The following FOXK2 variants were observed in gnomAD, a reference collection of about 807,000 sequenced individuals.
FOXK2 encodes forkhead box protein K2.
In FOXK2, 24 loss-of-function variants were observed where a neutral mutation model predicts 53.3. The observed-to-expected ratio is 0.45, with a 90% CI of 0.33 to 0.63. The LOEUF (loss-of-function observed/expected upper bound fraction) is 0.63, where lower values mean the gene tolerates loss of function less well. FOXK2 is among the 30% of genes least tolerant of loss of function. FOXK2 has a pLI of 0.03. For synonymous variants in FOXK2, 505 were observed against 407.1 expected, an observed-to-expected ratio of 1.24 and a Z score of -2.89; for missense variants, 952 against 910.5, an observed-to-expected ratio of 1.05 and a Z score of -0.59.
At chr17:82,545,066 C>A (rs538167098) in intron 1 of FOXK2, among the ~76,000 whole-genome samples, 5 of 152,296 alleles carry the variant, frequency 3.3e-5, no homozygotes, top group African/African-American at 9.6e-5. Context: ...TGCTGCTGAC[C>A]TAGTGGTTTC....
chr17:82,564,378 GTTTT>G (rs199576505), intron 2 of FOXK2, among the ~76,000 whole-genome samples: 5 of 134,348 alleles, frequency 3.7e-5, no homozygotes, highest in Non-Finnish European at 8.1e-5. Flanking sequence ...CAGCTGGCTG[GTTTT>G]TTTTTGTTTG....
In FOXK2 at chr17:82,601,349, G is replaced by A. The variant is rs151062508; in HGVS notation, c.1833G>A (p.Ser611=). ...LHMLATHASA[S]ASLPTKRHNG... The stretch of plus-strand genomic sequence containing the variant: ...TGTTGGCAACACACGCATCCGCATC[G>A]GCCTCCCTGCCCACAAAGCGCCACA... Residue 611 remains serine, a synonymous_variant, in exon 9 of 9, where the codon TCG becomes TCA. Transcript: ENST00000335255. 1.3e-4 allele frequency: 216 copies of A among 1,613,200 alleles called. No homozygotes were observed. The highest frequency in any genetic ancestry group is 1.5e-4 in the Non-Finnish European group (176 of 1,180,042).
chr17:82,537,652 C>A (rs939324696), intron 1 of FOXK2, among the ~76,000 whole-genome samples: 19 of 144,114 alleles, frequency 1.3e-4, no homozygotes, highest in African/African-American at 4.1e-4. Context: ...AGGCCAGGCA[C>A]ACGGTGGCTT....
chr17:82,561,053 G>C (rs749286471), intron 1 of FOXK2, among the ~76,000 whole-genome samples: 3 of 152,188 alleles, frequency 2.0e-5, no homozygotes, highest in Non-Finnish European at 4.4e-5. Flanking sequence ...CCAGCCTTCA[G>C]ACGTTTTCTC....
At position 82,568,089 on chromosome 17, in the gene FOXK2, C is replaced by T. The variant is rs139282639; in HGVS notation, c.650C>T (p.Ala217Val). ...TCCTGCCCCTCCAGCCCCCGGGGAG[C>T]GGGGTCTTCAGGGTACAAGGTGGGC... is the stretch of plus-strand genomic sequence containing the variant. ...ANSCPSSPRG[A>V]GSSGYKVGRV... Residue 217 changes from alanine (A) to valine (V), a missense_variant, in exon 3 of 9, where the codon GCG becomes GTG. Around this residue, in one of 5 missense-constraint regions of FOXK2, gnomAD observed 160 missense variants for 214.2 expected, o/e 0.75. Transcript: ENST00000335255. 2.4e-5 allele frequency: 39 copies of T among 1,611,984 alleles called. No individual in the cohort carries two copies. The highest frequency in any genetic ancestry group is 1.7e-4 in the Middle Eastern group (1 of 6,050).
At chr17:82,524,690 GT>G (rs2044399698) in intron 1 of FOXK2, among the ~76,000 whole-genome samples, 1 of 152,140 alleles carries the variant, frequency 6.6e-6, no homozygotes, top group Non-Finnish European at 1.5e-5. Context: ...GAAAGGCAGC[GT>G]TTTCCTCTCT....
At chr17:82,597,839 G>A (rs913820300) in intron 8 of FOXK2, among the ~76,000 whole-genome samples, 1 of 152,080 alleles carries the variant, frequency 6.6e-6, no homozygotes, top group African/African-American at 2.4e-5. Context: ...TAGTAGAGAC[G>A]GGGTTGCACC....
chr17:82,536,793 A>G (rs1184930808), intron 1 of FOXK2, among the ~76,000 whole-genome samples: 2 of 152,214 alleles, frequency 1.3e-5, no homozygotes, highest in African/African-American at 4.8e-5. Context: ...TTTCCCAGAA[A>G]CACACCCAGG....
chr17:82,529,733 G>A (rs539675195), intron 1 of FOXK2, among the ~76,000 whole-genome samples: 5 of 152,186 alleles, frequency 3.3e-5, no homozygotes, highest in East Asian at 1.9e-4. Context: ...GACTCATTGC[G>A]GAGTCACTAG....
At chr17:82,566,953 A>G (rs1051530453) in intron 2 of FOXK2, among the ~76,000 whole-genome samples, 1 of 152,178 alleles carries the variant, frequency 6.6e-6, no homozygotes, top group African/African-American at 2.4e-5. Flanking sequence ...TAAATTGTAG[A>G]TGCTTTTTCT....
At chr17:82,537,548 A>G (rs1489029817) in intron 1 of FOXK2, among the ~76,000 whole-genome samples, 3 of 141,166 alleles carry the variant, frequency 2.1e-5, no homozygotes, top group Non-Finnish European at 4.5e-5. Context: ...GAACCTGGGA[A>G]GTGGAAGTTG....
At chr17:82,543,109 C>T (rs2044589679) in intron 1 of FOXK2, among the ~76,000 whole-genome samples, 2 of 152,216 alleles carry the variant, frequency 1.3e-5, no homozygotes, top group Non-Finnish European at 2.9e-5. Flanking sequence ...GGGTCCTCAG[C>T]AGAGGACATT....
chr17:82,552,927 T>G (rs768519129), intron 1 of FOXK2, among the ~76,000 whole-genome samples: 2 of 152,146 alleles, frequency 1.3e-5, no homozygotes, highest in African/African-American at 2.4e-5. Context: ...GGAAAGAGTT[T>G]GTTAGATTTT....
chr17:82,581,818 C>T (rs2045065806), intron 4 of FOXK2, among the ~76,000 whole-genome samples: 1 of 152,114 alleles, frequency 6.6e-6, no homozygotes, highest in African/African-American at 2.4e-5. Flanking sequence ...CCATGTTGGC[C>T]AGGCTGGCCT....
At chr17:82,545,552 T>C (rs1175903175) in intron 1 of FOXK2, among the ~76,000 whole-genome samples, 7 of 151,808 alleles carry the variant, frequency 4.6e-5, no homozygotes, top group Non-Finnish European at 5.9e-5. Context: ...AATATTCTTA[T>C]AGTCTTTTTT....
intron 4 of FOXK2, chr17:82,576,804 C>A: frequency 3.4e-6 from 2 of 582,336 alleles, no homozygotes; most frequent in Non-Finnish European, 3.1e-6. Context: ...GTGGTGAAAG[C>A]TGCCATGTTG....
chr17:82,551,278 C>G (rs759365621), intron 1 of FOXK2, among the ~76,000 whole-genome samples: 8 of 151,548 alleles, frequency 5.3e-5, no homozygotes, highest in Non-Finnish European at 1.0e-4. Flanking sequence ...GATTGCACCT[C>G]TGCACTCCAG....
At position 82,519,817 on chromosome 17, in the gene FOXK2, C is replaced by G; in HGVS notation, c.-72C>G. 1 of 553,370 alleles carries G rather than the reference C, an allele frequency of 1.8e-6. No individual in the cohort carries two copies. The highest frequency in any genetic ancestry group is 2.3e-6 in the Non-Finnish European group (1 of 439,086). 34.3% of individuals were successfully genotyped at this position (553,370 alleles called of 1,614,324 possible). A position where few individuals can be genotyped will look rare whatever the true frequency, so the allele number is the denominator to read the frequency against. On this transcript the variant is annotated 5_prime_UTR_variant, in exon 1 of 9. Transcript: ENST00000335255. The stretch of plus-strand genomic sequence containing the variant: ...GCTCCGGTGCGCGGCGGCCGACGAC[C>G]CGCGCGGCCTGGGCCTCGGCCCGCG...
At chr17:82,558,950 C>T (rs887202788) in intron 1 of FOXK2, among the ~76,000 whole-genome samples, 5 of 152,158 alleles carry the variant, frequency 3.3e-5, no homozygotes, top group Non-Finnish European at 7.4e-5. Context: ...GGGGTTTCAC[C>T]GTGTTATCCA....
Sources: allele counts gnomAD v4.1 joint callset (sites outside exome capture counted in the v4.1 genomes callset), GRCh38; gene constraint gnomAD v4.1.1; regional missense constraint gnomAD v4.1.1; transcripts MANE v1.5; gene names NCBI Gene and HGNC (gene_info 2026-07-23, HGNC 2026-07-21).